The following DMTF1 variants were observed in gnomAD, a reference collection of about 807,000 sequenced individuals.
The protein encoded by DMTF1 is cyclin D binding myb like transcription factor 1.
Under a neutral mutation model 91.1 loss-of-function variants are expected in DMTF1, and 39 were observed. The observed-to-expected ratio is 0.43, with a 90% confidence interval of 0.33 to 0.56. DMTF1 has a LOEUF of 0.56. Ranked by LOEUF, DMTF1 falls within the 20% of genes least tolerant of loss-of-function variation. The pLI, the probability that DMTF1 is intolerant of heterozygous loss-of-function variation, is 0.05. For synonymous variants in DMTF1, 338 were observed against 309.5 expected (o/e 1.09, Z -0.97); for missense variants, 750 against 914.5 (o/e 0.82, Z 2.32).
rs576541530 is a variant in DMTF1, at chr7:87,186,332, G to A, written c.1201+352G>A. On this transcript the variant is annotated intron_variant, in intron 12 of 17. Coordinates refer to ENST00000331242, the MANE Select transcript of DMTF1 (RefSeq NM_001142327.2). ...TGCAGTGGTGTGATCATAGCTCACT[G>A]TAACCTTAAACCTGTCGGCTCAAGT... 1.9e-5 allele frequency: 4 copies of A among 207,800 alleles called. No homozygotes were observed. The South Asian group carries it at 3.4e-4, about 17-fold the overall frequency. 12.9% of individuals were successfully genotyped at this position (207,800 alleles called of 1,614,324 possible).
In DMTF1 at chr7:87,182,330, C is replaced by T; in HGVS notation, c.813C>T (p.Cys271=). 1.2e-6 allele frequency: 2 copies of T among 1,614,002 alleles called. No individual in the cohort carries two copies. The highest frequency in any genetic ancestry group is 1.7e-6 in the Non-Finnish European group (2 of 1,179,940). ...GGTGCCGACTGATGAAGGATACTTG[C>T]AACACAGGTACTGTGACTACTACTG... ...KDRCRLMKDT[C]NTGKWTEEEE... is the part of the protein sequence containing the mutation. Residue 271 remains cysteine, a synonymous_variant, in exon 10 of 18, where the codon TGC becomes TGT. Transcript: ENST00000331242.
intron 1 of DMTF1, among the ~76,000 whole-genome samples, chr7:87,157,693 A>C (rs771015361): frequency 6.6e-6 from 1 of 152,116 alleles, no homozygotes; most frequent in Non-Finnish European, 1.5e-5. Context: ...TAACAGATCC[A>C]AGAGTTATTT....
intron 14 of DMTF1, chr7:87,192,454 C>G (rs1584472440): frequency 6.6e-6 from 1 of 152,164 alleles, no homozygotes; most frequent in African/African-American, 2.4e-5. Context: ...ACTGTCTCCA[C>G]TTTAGCAATA....
intron 7 of DMTF1, 150 bp downstream of exon 7, chr7:87,174,819 T>C (rs1452486644): frequency 1.2e-5 from 6 of 505,196 alleles, no homozygotes; most frequent in Non-Finnish European, 7.0e-6. Context: ...TGAATAATTC[T>C]AAAATACATT....
rs564371708 is a variant in DMTF1, at chr7:87,193,843, C to T, written c.1769C>T (p.Thr590Ile). The stretch of plus-strand genomic sequence containing the variant: ...TCTTCCATATCCCAAGCAGAACTGA[C>T]AGTCGATAGTGATATTCAGTCATCT... ...ITSSISQAELTVDSDIQSSDF... is the reference protein window; with the variant it reads ...ITSSISQAELIVDSDIQSSDF... Residue 590 changes from threonine (T) to isoleucine (I), a missense_variant, in exon 16 of 18, where the codon ACA (threonine) becomes ATA (isoleucine). Physicochemically the swap from Thr to Ile is moderately conservative, Grantham distance 89. This residue lies in a region of DMTF1 where 410 missense variants were observed against 420.2 expected (regional missense o/e 0.98). Coordinates refer to ENST00000331242, the MANE Select transcript of DMTF1 (RefSeq NM_001142327.2). 1.2e-5 allele frequency: 19 copies of T among 1,613,312 alleles called. No homozygotes were observed. In the East Asian group the frequency reaches 4.2e-4, roughly 36 times the overall value.
Position 87,179,574 on chromosome 7 carries a change from C to A in DMTF1, c.549C>A (p.Ile183=). Reference sequence around the variant, plus strand: ...GCGGAATAAAAGATGCTACAGAAATCATCTTTGAGATGTCAAAAGACGAAA... The same window carrying A: ...GCGGAATAAAAGATGCTACAGAAATAATCTTTGAGATGTCAAAAGACGAAA... ...KARGIKDATE[I]IFEMSKDERK... is the part of the protein sequence containing the mutation. Residue 183 remains isoleucine, a synonymous_variant, in exon 8 of 18, where the codon ATC becomes ATA. Transcript: ENST00000331242. 2.6e-6 allele frequency: 4 copies of A among 1,549,636 alleles called. No individual in the cohort carries two copies. Among genetic ancestry groups the A allele is most frequent in the Non-Finnish European group, 3.5e-6 (4 of 1,158,988 alleles).
At chr7:87,162,665 A>G (rs1006099640) in intron 1 of DMTF1, 1 of 152,210 alleles carries the variant, frequency 6.6e-6, no homozygotes, top group African/African-American at 2.4e-5. Context: ...AATGATAACA[A>G]CATGAAATCT....
chr7:87,193,096 C>G, intron 14 of DMTF1, 102 bp from the exon 15 acceptor site: 1 of 1,270,172 alleles, frequency 7.9e-7, no homozygotes, highest in Non-Finnish European at 1.1e-6. Flanking sequence ...CGCACCTTCA[C>G]AATGGGTAAG....
rs1430989512 is a variant in DMTF1, at chr7:87,152,473, C to G, written c.-214C>G. The G allele has an allele frequency of 6.5e-6, 1 of 153,620 alleles. No homozygotes were observed. The highest frequency in any genetic ancestry group is 2.4e-5 in the African/African-American group (1 of 41,600). The allele number at this position is 153,620 out of a possible 1,614,324, so 9.5% of individuals were successfully genotyped here. A position where few individuals can be genotyped will look rare whatever the true frequency, so the allele number is the denominator to read the frequency against. On this transcript the variant is annotated 5_prime_UTR_variant, in exon 1 of 18. Coordinates refer to ENST00000331242, the MANE Select transcript of DMTF1 (RefSeq NM_001142327.2). ...CGCTCACTCCAGCTGCAGCCACTCT[C>G]GCCCGTGGCTGCTTCCTCCATCCTG...
At position 87,194,121 on chromosome 7, in the gene DMTF1, A is replaced by G. The variant is rs752755124; in HGVS notation, c.2028+19A>G. The G allele has an allele frequency of 6.5e-7, 1 of 1,537,546 alleles. No individual in the cohort carries two copies. The highest frequency in any genetic ancestry group is 2.1e-5 in the Admixed American group (1 of 47,668). On this transcript the variant is annotated intron_variant, in intron 16 of 17. Transcript: ENST00000331242. ...TACTGAGGTAAGTTGTACTTTAAGA[A>G]CAACTGAATGGATTCTTGCCTTGAG...
At chr7:87,172,461 A>G (rs1446295530) in intron 5 of DMTF1, among the ~76,000 whole-genome samples, 2 of 152,190 alleles carry the variant, frequency 1.3e-5, no homozygotes, top group African/African-American at 2.4e-5. Flanking sequence ...TCCTAATTGT[A>G]CCTTGGTTGT....
intron 15 of DMTF1, 27 bp from the exon 16 acceptor site, chr7:87,193,698 T>C (rs375957663): frequency 1.6e-4 from 252 of 1,557,714 alleles, no homozygotes; most frequent in Non-Finnish European, 2.1e-4. Flanking sequence ...GATTTACAAC[T>C]TTAACAGGTT....
chr7:87,168,159 A>G (rs1400129710), intron 4 of DMTF1, among the ~76,000 whole-genome samples: 1 of 152,216 alleles, frequency 6.6e-6, no homozygotes, highest in African/African-American at 2.4e-5. Flanking sequence ...TTATCTGTCT[A>G]GATTGTAAAA....
intron 4 of DMTF1, among the ~76,000 whole-genome samples, chr7:87,170,102 C>T (rs1794734703): frequency 6.6e-6 from 1 of 152,144 alleles, no homozygotes; most frequent in Admixed American, 6.5e-5. Context: ...CAGGTGTATT[C>T]TTCCAGTAGT....
At chr7:87,173,334 T>C (rs946462996) in intron 5 of DMTF1, among the ~76,000 whole-genome samples, 4 of 152,174 alleles carry the variant, frequency 2.6e-5, no homozygotes, top group Admixed American at 6.6e-5. Context: ...GTTTTCATAC[T>C]GCCATAATAA....
At chr7:87,185,453 G>T (rs184616250) in intron 11 of DMTF1, among the ~76,000 whole-genome samples, 1 of 151,956 alleles carries the variant, frequency 6.6e-6, no homozygotes. Flanking sequence ...CAATGGAAAC[G>T]CTCAGATCCA....
Position 87,194,728 on chromosome 7 carries a change from T to C in DMTF1, c.2073T>C (p.Ile691=), listed in dbSNP as rs201218381. ...TAGAAGAACAAGTTGATCAAACAAT[T>C]GATGATGAAACAATACTTATCGTTC... is the stretch of plus-strand genomic sequence containing the variant. ...PTIEEQVDQT[I]DDETILIVPS... Residue 691 remains isoleucine, a synonymous_variant, in exon 17 of 18, where the codon ATT becomes ATC. Transcript: ENST00000331242. 110 of 1,611,280 alleles carry C rather than the reference T, an allele frequency of 6.8e-5. No individual in the cohort carries two copies. The South Asian group carries it at 1.1e-3, about 17-fold the overall frequency.
chr7:87,194,616 C>A, intron 16 of DMTF1, 68 bp from the exon 17 acceptor site: 1 of 1,207,380 alleles, frequency 8.3e-7, no homozygotes, highest in Non-Finnish European at 1.2e-6. Context: ...CTATACATAC[C>A]TATACATGGG....
In DMTF1 at chr7:87,193,250, G is replaced by A; in HGVS notation, c.1547G>A (p.Ser516Asn). 6.2e-7 allele frequency: 1 copy of A among 1,613,312 alleles called. No individual in the cohort carries two copies. Among genetic ancestry groups the A allele is most frequent in the African/African-American group, 1.3e-5 (1 of 74,934 alleles). ...GTPGTYLLQT[S>N]SSQGLPLTLT... ...CCAGGCACCTACCTACTTCAAACAA[G>A]CTCAAGCCAAGGCCTTCCCCTAACT... Residue 516 changes from serine (S) to asparagine (N), a missense_variant, in exon 15 of 18, where the codon AGC becomes AAC. Ser to Asn is a conservative substitution (Grantham distance 46). This residue lies in a region of DMTF1 where 410 missense variants were observed against 420.2 expected (regional missense o/e 0.98). Transcript: ENST00000331242.
Sources: allele counts gnomAD v4.1 joint callset (sites outside exome capture counted in the v4.1 genomes callset), GRCh38; gene constraint gnomAD v4.1.1; regional missense constraint gnomAD v4.1.1; transcripts MANE v1.5; gene names NCBI Gene and HGNC (gene_info 2026-07-23, HGNC 2026-07-21).